Variants in ITGB1 observed in about 807,000 individuals in gnomAD.
ITGB1 encodes the protein integrin subunit beta 1.
Under a neutral mutation model 86.5 loss-of-function variants are expected in ITGB1, and 24 were observed. That is an observed-to-expected ratio of 0.28 (90% CI 0.20 to 0.39). ITGB1 has a LOEUF of 0.39. Among genes scored for constraint, ITGB1 ranks in the 10% least tolerant of loss-of-function variants. The probability of loss-of-function intolerance (pLI) is 1.00; values close to 1 mark genes in which losing one functional copy is unlikely to be tolerated. For synonymous variants in ITGB1, 323 were observed against 316.8 expected, an observed-to-expected ratio of 1.02 and a Z score of -0.21; for missense variants, 556 against 946.9, an observed-to-expected ratio of 0.59 and a Z score of 5.42.
chr10:32,923,738 T>C lies in ITGB1; in HGVS notation c.789A>G (p.Ser263=). ...DAIMQVAVCG[S]LIGWRNVTRL... ...GTGTAACATTCCTCCAGCCAATCAG[T>C]GACTTGAAAAGAAAAGGATTTCAAT... The change falls in exon 7 of 16, where the codon TCA becomes TCG. Residue 263 remains serine, a splice_region_variant and synonymous_variant. Coordinates refer to ENST00000302278, the MANE Select transcript of ITGB1 (RefSeq NM_002211.4). 6.2e-7 allele frequency: 1 copy of C among 1,608,914 alleles called. No homozygotes were observed. Among genetic ancestry groups the C allele is most frequent in the Non-Finnish European group, 8.5e-7 (1 of 1,178,346 alleles).
intron 1 of ITGB1, among the ~76,000 whole-genome samples, chr10:32,948,939 C>T (rs1026274761): frequency 1.1e-4 from 16 of 139,910 alleles, no homozygotes; most frequent in Admixed American, 1.1e-3. Context: ...AATATGATTT[C>T]GTTCAGGGAC....
intron 1 of ITGB1, among the ~76,000 whole-genome samples, chr10:32,954,621 A>G (rs991995344): frequency 5.3e-5 from 8 of 152,184 alleles, no homozygotes; most frequent in Non-Finnish European, 1.0e-4. Flanking sequence ...TAGACCTAAA[A>G]TTTTCTCCCT....
At chr10:32,949,123 A>G (rs2095037852) in intron 1 of ITGB1, among the ~76,000 whole-genome samples, 1 of 152,234 alleles carries the variant, frequency 6.6e-6, no homozygotes, top group Non-Finnish European at 1.5e-5. Flanking sequence ...ATTTTATTTC[A>G]GCACCTTCAA....
At chr10:32,914,209 C>T (rs1362092101) in intron 11 of ITGB1, among the ~76,000 whole-genome samples, 10 of 152,228 alleles carry the variant, frequency 6.6e-5, no homozygotes, top group Non-Finnish European at 1.2e-4. Context: ...ACTGCAAAAA[C>T]ATGCCAAATT....
At chr10:32,917,028 A>C (rs2094934046) in intron 11 of ITGB1, among the ~76,000 whole-genome samples, 1 of 152,216 alleles carries the variant, frequency 6.6e-6, no homozygotes, top group Admixed American at 6.5e-5. Flanking sequence ...AGCCCTCAGA[A>C]ATAATACCAC....
chr10:32,937,335 A>G (rs2095005384), intron 1 of ITGB1, among the ~76,000 whole-genome samples: 1 of 152,146 alleles, frequency 6.6e-6, no homozygotes, highest in African/African-American at 2.4e-5. Context: ...AGGCGGGTGG[A>G]TCACGAGGTC....
intron 1 of ITGB1, among the ~76,000 whole-genome samples, chr10:32,940,921 G>A (rs1429607317): frequency 2.0e-5 from 3 of 152,172 alleles, no homozygotes; most frequent in Non-Finnish European, 4.4e-5. Context: ...ACTCTGTCAG[G>A]TTTTGAGCCA....
intron 1 of ITGB1, among the ~76,000 whole-genome samples, chr10:32,951,138 A>G (rs1040839656): frequency 1.3e-5 from 2 of 152,202 alleles, no homozygotes; most frequent in Non-Finnish European, 2.9e-5. Context: ...TTCTTTAAAA[A>G]TAAGAGAAAA....
At position 32,900,458 on chromosome 10, in the gene ITGB1, T is replaced by A. The variant is rs201952514; in HGVS notation, c.*1112A>T. ...GTAAATAGCACTGTAAAAAGTGAAC[T>A]GTTAAAACTAAAGGCACTTAAAACA... is the stretch of plus-strand genomic sequence containing the variant. On this transcript the variant is annotated 3_prime_UTR_variant, in exon 16 of 16. Transcript: ENST00000302278. 6.6e-6 allele frequency: 1 copy of A among 151,884 alleles called. No homozygotes were observed. The highest frequency in any genetic ancestry group is 1.5e-5 in the Non-Finnish European group (1 of 67,856). The allele number at this position is 151,884 out of a possible 1,614,324, so 9.4% of individuals were successfully genotyped here.
At chr10:32,928,538 A>G (rs1251578124) in intron 4 of ITGB1, among the ~76,000 whole-genome samples, 1 of 152,158 alleles carries the variant, frequency 6.6e-6, no homozygotes, top group African/African-American at 2.4e-5. Context: ...TCAGTTTATA[A>G]GAGAAGAAAA....
chr10:32,944,576 C>T, intron 1 of ITGB1: 1 of 508,276 alleles, frequency 2.0e-6, no homozygotes, highest in Non-Finnish European at 3.9e-6. Context: ...CCAAAGGAAA[C>T]TCATCCGAGA....
intron 1 of ITGB1, among the ~76,000 whole-genome samples, chr10:32,956,339 G>A (rs2095052019): frequency 6.6e-6 from 1 of 150,586 alleles, no homozygotes; most frequent in African/African-American, 2.5e-5. Flanking sequence ...TGTGGTTTAA[G>A]AAAGGTGTCT....
intron 1 of ITGB1, among the ~76,000 whole-genome samples, chr10:32,941,547 A>G (rs936293967): frequency 4.6e-5 from 7 of 152,166 alleles, no homozygotes; most frequent in Non-Finnish European, 1.0e-4. Context: ...CATCCATGCT[A>G]AAAGAGTTTG....
At chr10:32,932,621 C>T (rs1555221340) in intron 2 of ITGB1, 21 bp from the exon 3 acceptor site, 6 of 1,366,218 alleles carry the variant, frequency 4.4e-6, no homozygotes, top group Middle Eastern at 1.8e-4. Flanking sequence ...GAAGAAAGAA[C>T]AGAACATTTT....
At chr10:32,929,663 T>C (rs1412999795) in intron 4 of ITGB1, among the ~76,000 whole-genome samples, 159 bp downstream of exon 4, 2 of 152,234 alleles carry the variant, frequency 1.3e-5, no homozygotes, top group African/African-American at 2.4e-5. Context: ...AATTGTTATA[T>C]CTGCAAAAAT....
At chr10:32,921,290 A>C (rs1011759709) in intron 9 of ITGB1, among the ~76,000 whole-genome samples, 1 of 152,160 alleles carries the variant, frequency 6.6e-6, no homozygotes, top group Non-Finnish European at 1.5e-5. Context: ...CACACCCCTG[A>C]AAGAACAAGA....
Position 32,916,307 on chromosome 10 carries a change from C to T in ITGB1, c.1469+3578G>A, listed in dbSNP as rs552124480. On this transcript the variant is annotated intron_variant, in intron 11 of 15. Transcript: ENST00000302278. ...TTCAACACAGTGTTGGAAGTTCTGG[C>T]CAGGGCAATCAGGCAGGAGAAAGAA... 3.3e-5 allele frequency among the ~76,000 whole-genome samples: 5 copies of T among 152,266 alleles called. No homozygotes were observed. The South Asian group carries it at 1.0e-3, about 32-fold the overall frequency.
chr10:32,912,172 A>C lies in ITGB1; in HGVS notation c.1470-48T>G, dbSNP rs1248947377. 3 of 1,491,950 alleles carry C rather than the reference A, an allele frequency of 2.0e-6. No individual in the cohort carries two copies. In the Admixed American group the frequency reaches 5.3e-5, roughly 26 times the overall value. The allele number at this position is 1,491,950 out of a possible 1,614,324, so 92.4% of individuals were successfully genotyped here. ...CAATCACACAAAACAAAAATAATTT[A>C]AGAGGTTCCAAGATGGCCAAACAGG... On this transcript the variant is annotated intron_variant, in intron 11 of 15. Transcript: ENST00000302278.
Position 32,929,993 on chromosome 10 carries a change from C to T in ITGB1, c.205G>A (p.Ala69Thr), listed in dbSNP as rs1254561607. Residue 69 changes from alanine to threonine, a missense_variant, in exon 4 of 16, where the codon GCC becomes ACC. Coordinates refer to ENST00000302278, the MANE Select transcript of ITGB1 (RefSeq NM_002211.4). ...GGAGGGCAACCCTTCTTTTTTAAGG[C>T]TTCTAAATCATCACATCGTGCAGAA... ...PTSARCDDLE[A>T]LKKKGCPPDD... 1.9e-6 allele frequency: 2 copies of T among 1,032,706 alleles called. No individual in the cohort carries two copies. Among genetic ancestry groups the T allele is most frequent in the African/African-American group, 1.6e-5 (1 of 63,984 alleles). The allele number at this position is 1,032,706 out of a possible 1,614,324, so 64.0% of individuals were successfully genotyped here. A position where few individuals can be genotyped will look rare whatever the true frequency, so the allele number is the denominator to read the frequency against.
Sources: gnomAD v4.1 joint callset for allele counts (sites outside exome capture counted in the v4.1 genomes callset) on GRCh38, gnomAD v4.1.1 for gene constraint, MANE v1.5 for transcripts, NCBI Gene and HGNC (gene_info 2026-07-23, HGNC 2026-07-21) for gene names.